The following IQCJ variants were observed in gnomAD, a reference collection of about 807,000 sequenced individuals.
IQCJ encodes IQ domain-containing protein J.
A neutral mutation model predicts 11.0 loss-of-function variants in IQCJ; 9 were observed. The observed-to-expected ratio is 0.82, with a 90% CI of 0.49 to 1.43. IQCJ has a LOEUF of 1.43. Ranked by LOEUF, IQCJ falls within the 40% of genes most tolerant of loss-of-function variation. The probability of loss-of-function intolerance (pLI) is 0.00; values close to 1 mark genes in which losing one functional copy is unlikely to be tolerated. For synonymous variants in IQCJ, 55 were observed against 51.3 expected, an observed-to-expected ratio of 1.07 and a Z score of -0.31; for missense variants, 146 against 133.2, an observed-to-expected ratio of 1.10 and a Z score of -0.47.
intron 1 of IQCJ, among the ~76,000 whole-genome samples, chr3:159,100,968 C>G (rs56255709): frequency 0.014 from 307 of 22,218 alleles, 5 homozygotes; most frequent in African/African-American, 0.053. Context: ...CTCCCCCAGC[C>G]TCGTTGCCGC....
chr3:159,204,027 G>A (rs1724507243), intron 1 of IQCJ, among the ~76,000 whole-genome samples: 2 of 152,246 alleles, frequency 1.3e-5, no homozygotes, highest in African/African-American at 4.8e-5. Flanking sequence ...AGAGAACCAG[G>A]CCCCAGTAGG....
At chr3:159,158,559 G>A (rs1268720989) in intron 1 of IQCJ, among the ~76,000 whole-genome samples, 2 of 152,186 alleles carry the variant, frequency 1.3e-5, no homozygotes, top group Non-Finnish European at 2.9e-5. Flanking sequence ...AGCTATATTT[G>A]TCTGCAGGAG....
intron 1 of IQCJ, among the ~76,000 whole-genome samples, chr3:159,234,920 C>T (rs1181025110): frequency 6.6e-6 from 1 of 152,166 alleles, no homozygotes; most frequent in Non-Finnish European, 1.5e-5. Context: ...ATGGTGTTTG[C>T]TACACTACAA....
chr3:159,265,351 A>G (rs1728442376), downstream of IQCJ: 4 of 1,613,734 alleles, frequency 2.5e-6, no homozygotes, highest in Non-Finnish European at 3.4e-6. Context: ...GGGTTCATAC[A>G]TACTCTCAAG....
At chr3:159,120,793 G>A (rs970664372) in intron 1 of IQCJ, among the ~76,000 whole-genome samples, 3 of 152,220 alleles carry the variant, frequency 2.0e-5, no homozygotes, top group African/African-American at 7.2e-5. Context: ...TATGTCATAA[G>A]GAGTATGGTG....
At chr3:159,204,363 C>T (rs919287550) in intron 1 of IQCJ, among the ~76,000 whole-genome samples, 2 of 152,174 alleles carry the variant, frequency 1.3e-5, no homozygotes, top group African/African-American at 4.8e-5. Context: ...TGGTTCTTCT[C>T]TAGATTGCAC....
chr3:159,258,185 G>C lies in IQCJ; in HGVS notation c.156-4363G>C, dbSNP rs548511246. 3.9e-5 allele frequency among the ~76,000 whole-genome samples: 6 copies of C among 152,218 alleles called. No homozygotes were observed. In the East Asian group the frequency reaches 1.2e-3, roughly 29 times the overall value. ...GGTTCTCACAACATTGCAACAAAGT[G>C]GCCACTGCCAGCTCTAGGCTTGCAG... On this transcript the variant is annotated intron_variant, in intron 3 of 3. Coordinates refer to ENST00000397832, the MANE Select transcript of IQCJ (RefSeq NM_001042706.3).
intron 1 of IQCJ, among the ~76,000 whole-genome samples, chr3:159,237,418 G>A (rs112047747): frequency 1.3e-5 from 2 of 152,342 alleles, no homozygotes; most frequent in African/African-American, 2.4e-5. Flanking sequence ...CTGCGGGATT[G>A]AGACAGGAGG....
chr3:159,122,442 G>T (rs1403219094), intron 1 of IQCJ, among the ~76,000 whole-genome samples: 2 of 152,188 alleles, frequency 1.3e-5, no homozygotes, highest in African/African-American at 2.4e-5. Context: ...ATGCTCCTTA[G>T]AAGGCTTTGA....
intron 1 of IQCJ, among the ~76,000 whole-genome samples, chr3:159,197,953 C>CAGAA: frequency 6.6e-6 from 1 of 151,972 alleles, no homozygotes; most frequent in African/African-American, 2.4e-5. Context: ...CAAACCATGC[C>CAGAA]CATGGGCTGA....
intron 1 of IQCJ, among the ~76,000 whole-genome samples, chr3:159,132,783 C>A (rs1477814576): frequency 6.6e-6 from 1 of 152,100 alleles, no homozygotes; most frequent in Admixed American, 6.6e-5. Flanking sequence ...ATCTCAGAAC[C>A]TTGAGTAGAG....
rs7647851 is a variant in IQCJ, at chr3:159,079,109, G to C, written c.9+9668G>C. Among the ~76,000 whole-genome samples the C allele has an allele frequency of 5.4e-3, 819 of 152,198 alleles. 9 individuals carry two copies. The highest frequency in any genetic ancestry group is 0.019 in the African/African-American group (795 of 41,532). On this transcript the variant is annotated intron_variant, in intron 1 of 3. Transcript: ENST00000397832. ...GGTGCCAATCAGCTTCTTCTGTTTT[G>C]AAGGATTCTTCCCTGGAAACACAAA...
At chr3:159,211,499 T>C (rs1447251409) in intron 1 of IQCJ, among the ~76,000 whole-genome samples, 1 of 152,232 alleles carries the variant, frequency 6.6e-6, no homozygotes, top group African/African-American at 2.4e-5. Context: ...ACTCTGTAGA[T>C]GAGGGACAAG....
At chr3:159,252,921 T>G in intron 3 of IQCJ, 114 bp downstream of exon 3, 1 of 1,052,546 alleles carries the variant, frequency 9.5e-7, no homozygotes, top group Admixed American at 2.4e-5. Context: ...ATTCATGTGC[T>G]GCATATTATT....
intron 1 of IQCJ, among the ~76,000 whole-genome samples, chr3:159,143,273 C>A (rs1010248537): frequency 6.6e-6 from 1 of 152,210 alleles, no homozygotes; most frequent in African/African-American, 2.4e-5. Context: ...TAAATCACAT[C>A]TTTATTAGTA....
chr3:159,230,098 T>G (rs1172887554), intron 1 of IQCJ, among the ~76,000 whole-genome samples: 1 of 151,634 alleles, frequency 6.6e-6, no homozygotes, highest in Non-Finnish European at 1.5e-5. Flanking sequence ...TATGTCCAGG[T>G]ATGCTTAATG....
In IQCJ at chr3:159,245,830, C is replaced by A; in HGVS notation, c.10-13C>A. 1 of 1,540,172 alleles carries A rather than the reference C, an allele frequency of 6.5e-7. No individual in the cohort carries two copies. Among genetic ancestry groups the A allele is most frequent in the Non-Finnish European group, 8.8e-7 (1 of 1,137,506 alleles). On this transcript the variant is annotated splice_polypyrimidine_tract_variant and intron_variant, in intron 1 of 3. Coordinates refer to ENST00000397832, the MANE Select transcript of IQCJ (RefSeq NM_001042706.3). ...GGTGACAATTTGTAAGATATATCTTCTCTTTTTCACAGGAAGAACTGAAAA... is the reference window on the plus strand; with the variant it reads ...GGTGACAATTTGTAAGATATATCTTATCTTTTTCACAGGAAGAACTGAAAA...
At chr3:159,140,350 C>A (rs1720532145) in intron 1 of IQCJ, among the ~76,000 whole-genome samples, 1 of 152,164 alleles carries the variant, frequency 6.6e-6, no homozygotes, top group Non-Finnish European at 1.5e-5. Context: ...TCAGCTGCCC[C>A]AGTAACCCCT....
intron 1 of IQCJ, among the ~76,000 whole-genome samples, chr3:159,225,923 G>T (rs566289358): frequency 1.1e-4 from 17 of 152,286 alleles, no homozygotes; most frequent in African/African-American, 3.6e-4. Context: ...GATATTTGCT[G>T]TTACAGCTCG....
Sources: gnomAD v4.1 joint callset for allele counts (sites outside exome capture counted in the v4.1 genomes callset) on GRCh38, gnomAD v4.1.1 for gene constraint, MANE v1.5 for transcripts, NCBI Gene and HGNC (gene_info 2026-07-23, HGNC 2026-07-21) for gene names.